DLGAP1: variants seen among roughly 807,000 people sequenced by gnomAD.
DLGAP1 encodes the protein disks large-associated protein 1.
Under a neutral mutation model 90.8 loss-of-function variants are expected in DLGAP1, and 11 were observed. That is an observed-to-expected ratio of 0.12 (90% CI 0.08 to 0.20). DLGAP1 has a LOEUF of 0.20. Ranked by LOEUF, DLGAP1 falls within the 10% of genes least tolerant of loss-of-function variation. DLGAP1 has a pLI of 1.00. For synonymous variants in DLGAP1, 558 were observed against 540.7 expected (o/e 1.03, Z -0.44); for missense variants, 1,050 against 1,333.8 (o/e 0.79, Z 3.31).
chr18:3,695,603 T>C lies in DLGAP1; in HGVS notation c.1591+33532A>G, dbSNP rs1282100296. On this transcript the variant is annotated intron_variant, in intron 7 of 12. Transcript: ENST00000315677. ...CCATACCATGCTGTTTTGGTTACTG[T>C]AGCCTTGCAGTGTAGTTTGAAGTCA... 2.0e-5 allele frequency among the ~76,000 whole-genome samples: 3 copies of C among 152,226 alleles called. 1 individual carries two copies. Among genetic ancestry groups the C allele is most frequent in the South Asian group, 4.1e-4 (2 of 4,832 alleles).
intron 6 of DLGAP1, among the ~76,000 whole-genome samples, chr18:3,741,841 C>CTTTTTTTT (rs374274361): frequency 6.8e-6 from 1 of 147,458 alleles, no homozygotes; most frequent in Non-Finnish European, 1.5e-5. Context: ...TTTTCTTTTT[C>CTTTTTTTT]TTTTTCTTTT....
intron 4 of DLGAP1, among the ~76,000 whole-genome samples, chr18:3,837,462 A>T (rs990338888): frequency 6.6e-6 from 1 of 152,216 alleles, no homozygotes; most frequent in African/African-American, 2.4e-5. Context: ...CTTTCTTTTC[A>T]TAAACAAAAC....
At chr18:4,168,808 C>G (rs2076976639) in intron 1 of DLGAP1, among the ~76,000 whole-genome samples, 1 of 152,134 alleles carries the variant, frequency 6.6e-6, no homozygotes, top group Admixed American at 6.6e-5. Context: ...GAACTCGAAC[C>G]TCTGGGCTCC....
chr18:3,625,614 G>C (rs1001138326), intron 7 of DLGAP1, among the ~76,000 whole-genome samples: 1 of 152,090 alleles, frequency 6.6e-6, no homozygotes, highest in Non-Finnish European at 1.5e-5. Context: ...AATCTAAGAA[G>C]AGTAATGTTC....
intron 2 of DLGAP1, among the ~76,000 whole-genome samples, chr18:4,078,828 G>C (rs184620049): frequency 6.6e-6 from 1 of 152,220 alleles, no homozygotes; most frequent in Admixed American, 6.5e-5. Context: ...ATTCTTAAGT[G>C]AAACATGGTT....
chr18:4,107,140 T>C (rs113432737), intron 2 of DLGAP1, among the ~76,000 whole-genome samples: 14 of 152,352 alleles, frequency 9.2e-5, no homozygotes, highest in African/African-American at 3.1e-4. Flanking sequence ...CGCCGCTGGA[T>C]TACAATTGCC....
chr18:3,770,514 A>T (rs1240981512), intron 5 of DLGAP1, among the ~76,000 whole-genome samples: 1 of 152,208 alleles, frequency 6.6e-6, no homozygotes, highest in African/African-American at 2.4e-5. Flanking sequence ...ATGTGCCATG[A>T]AACACAGATG....
intron 4 of DLGAP1, among the ~76,000 whole-genome samples, chr18:3,856,511 T>C (rs1478909989): frequency 6.6e-6 from 1 of 152,156 alleles, no homozygotes; most frequent in Non-Finnish European, 1.5e-5. Context: ...GGAAATTACC[T>C]TAGTCACTTG....
At chr18:3,830,424 G>T (rs2067970200) in intron 4 of DLGAP1, among the ~76,000 whole-genome samples, 1 of 152,174 alleles carries the variant, frequency 6.6e-6, no homozygotes, top group African/African-American at 2.4e-5. Context: ...AATTAGCCGG[G>T]TGTGGTGGCA....
intron 5 of DLGAP1, among the ~76,000 whole-genome samples, chr18:3,772,303 T>C (rs958576175): frequency 2.2e-5 from 3 of 138,146 alleles, no homozygotes; most frequent in Admixed American, 6.9e-5. Flanking sequence ...TTTTCTTTCT[T>C]TCTCTCCTTC....
intron 2 of DLGAP1, among the ~76,000 whole-genome samples, chr18:4,077,883 A>C (rs1399838991): frequency 6.6e-6 from 1 of 152,212 alleles, no homozygotes; most frequent in Non-Finnish European, 1.5e-5. Flanking sequence ...TCTGTGAAGG[A>C]AGGCACTCGG....
At chr18:3,851,576 T>C (rs988951768) in intron 4 of DLGAP1, among the ~76,000 whole-genome samples, 1 of 152,138 alleles carries the variant, frequency 6.6e-6, no homozygotes, top group Non-Finnish European at 1.5e-5. Context: ...ATACAAGTAA[T>C]ACACATACAG....
At chr18:3,599,969 G>C (rs1180390471) in intron 7 of DLGAP1, among the ~76,000 whole-genome samples, 1 of 151,500 alleles carries the variant, frequency 6.6e-6, no homozygotes, top group Non-Finnish European at 1.5e-5. Flanking sequence ...GCCAGGGCTG[G>C]AGTGCAGTGG....
At chr18:3,829,085 G>A (rs988436213) in intron 4 of DLGAP1, among the ~76,000 whole-genome samples, 2 of 152,174 alleles carry the variant, frequency 1.3e-5, no homozygotes, top group South Asian at 4.1e-4. Context: ...TATAAGGAAG[G>A]AGGATGGTGC....
intron 6 of DLGAP1, among the ~76,000 whole-genome samples, chr18:3,740,717 ACTG>A (rs1405671659): frequency 2.6e-5 from 4 of 152,006 alleles, no homozygotes; most frequent in Non-Finnish European, 4.4e-5. Flanking sequence ...CACCACTGTC[ACTG>A]CTACCACCAT....
At chr18:4,302,413 T>C (rs2080147313) in intron 1 of DLGAP1, among the ~76,000 whole-genome samples, 1 of 152,232 alleles carries the variant, frequency 6.6e-6, no homozygotes, top group African/African-American at 2.4e-5. Context: ...TCTTTTCCCA[T>C]TGTATGTTGT....
chr18:4,008,155 A>G lies in DLGAP1; in HGVS notation c.-158-2954T>C, dbSNP rs149038350. Reference sequence around the variant, plus strand: ...CCTTATCCATGGGGGATACATTCCAAGATCCTCAGTGGATGCCTGATGCCC... The same window carrying G: ...CCTTATCCATGGGGGATACATTCCAGGATCCTCAGTGGATGCCTGATGCCC... On this transcript the variant is annotated intron_variant, in intron 2 of 12. Coordinates refer to ENST00000315677, the MANE Select transcript of DLGAP1 (RefSeq NM_004746.4). 5.1e-3 allele frequency among the ~76,000 whole-genome samples: 777 copies of G among 152,060 alleles called. 8 individuals are homozygous for G. The highest frequency in any genetic ancestry group is 0.018 in the African/African-American group (746 of 41,446).
At chr18:4,348,798 A>G (rs750273420) in intron 1 of DLGAP1, among the ~76,000 whole-genome samples, 3 of 152,154 alleles carry the variant, frequency 2.0e-5, no homozygotes, top group Non-Finnish European at 4.4e-5. Flanking sequence ...AATGATGATA[A>G]TAATGAAGTT....
intron 5 of DLGAP1, among the ~76,000 whole-genome samples, chr18:3,804,040 C>G (rs2066450969): frequency 6.9e-6 from 1 of 145,568 alleles, no homozygotes; most frequent in Admixed American, 6.9e-5. Context: ...GTCGGCCAGG[C>G]TAGGGTACAG....
Sources: gnomAD v4.1 joint callset for allele counts (sites outside exome capture counted in the v4.1 genomes callset) on GRCh38, gnomAD v4.1.1 for gene constraint, MANE v1.5 for transcripts, NCBI Gene and HGNC (gene_info 2026-07-23, HGNC 2026-07-21) for gene names.